The following NRG3 variants were observed in gnomAD, a reference collection of about 807,000 sequenced individuals.
NRG3 encodes the protein pro-neuregulin-3, membrane-bound isoform.
Under a neutral mutation model 66.9 loss-of-function variants are expected in NRG3, and 31 were observed. That is an observed-to-expected ratio of 0.46 (90% confidence interval 0.35 to 0.63). The LOEUF (loss-of-function observed/expected upper bound fraction) is 0.63. NRG3 is among the 20% of genes least tolerant of loss of function. The pLI is 0.00. For synonymous variants in NRG3, 393 were observed against 359.4 expected (o/e 1.09, Z -1.06); for missense variants, 910 against 878.9 (o/e 1.04, Z -0.45).
chr10:82,883,135 C>T (rs188863855), intron 4 of NRG3, among the ~76,000 whole-genome samples: 5 of 152,158 alleles, frequency 3.3e-5, no homozygotes, highest in South Asian at 2.1e-4. Context: ...TTGATGTATG[C>T]GGAATGTGCT....
intron 1 of NRG3, among the ~76,000 whole-genome samples, chr10:81,962,095 G>T (rs117534923): frequency 0.03 from 4,600 of 152,292 alleles, 97 homozygotes; most frequent in Non-Finnish European, 0.045. Flanking sequence ...GAGCACTAAA[G>T]GTTGAGAACC....
chr10:82,358,821 C>G lies in NRG3; in HGVS notation c.906C>G (p.Gly302=), dbSNP rs2083941909. 2 of 1,614,152 alleles carry G rather than the reference C, an allele frequency of 1.2e-6. No homozygotes were observed. Among genetic ancestry groups the G allele is most frequent in the Non-Finnish European group, 1.7e-6 (2 of 1,180,030 alleles). Residue 302 remains glycine, a synonymous_variant, in exon 2 of 9, where the codon GGC becomes GGG. Transcript: ENST00000372141. ...DKDLAYCLND[G]ECFVIETLTG... is the part of the protein sequence containing the mutation. The stretch of plus-strand genomic sequence containing the variant: ...ACCTTGCATACTGTCTCAATGATGG[C>G]GAGTGCTTTGTGATCGAAACCCTGA...
intron 1 of NRG3, among the ~76,000 whole-genome samples, chr10:82,022,300 C>T (rs1423265110): frequency 6.6e-6 from 1 of 151,954 alleles, no homozygotes; most frequent in African/African-American, 2.4e-5. Context: ...CCTGAGAATC[C>T]TAATTGAGGG....
chr10:82,293,229 A>T lies in NRG3; in HGVS notation c.824-65510A>T, dbSNP rs2079848313. On this transcript the variant is annotated intron_variant, in intron 1 of 8. Coordinates refer to ENST00000372141, the MANE Select transcript of NRG3 (RefSeq NM_001010848.4). ...TTCAATTTTTTGTTAAGTCAAGAAG[A>T]TCTGTACTTAGACGGCAGTATAAAT... Among the ~76,000 whole-genome samples, 4 of 152,282 alleles carry T rather than the reference A, an allele frequency of 2.6e-5. No homozygotes were observed. In the South Asian group the frequency reaches 8.3e-4, roughly 32 times the overall value.
chr10:81,934,455 G>A (rs1038220601), intron 1 of NRG3, among the ~76,000 whole-genome samples: 1 of 152,066 alleles, frequency 6.6e-6, no homozygotes, highest in Non-Finnish European at 1.5e-5. Flanking sequence ...TAATTGCTGT[G>A]ACACACATAA....
rs540869965 is a variant in NRG3 at position 82,981,121 on chromosome 10, C to A, written c.1583+2001C>A. Among the ~76,000 whole-genome samples, 15 of 152,220 alleles carry A rather than the reference C, an allele frequency of 9.9e-5. No individual in the cohort carries two copies. In the South Asian group the frequency reaches 3.1e-3, roughly 32 times the overall value. The stretch of plus-strand genomic sequence containing the variant: ...GTTCGATTAGTAAGGGTGCTTGGAG[C>A]CTGTGCCAGGCTCAAGCTTGAACAA... On this transcript the variant is annotated intron_variant, in intron 8 of 8. Transcript: ENST00000372141.
intron 1 of NRG3, among the ~76,000 whole-genome samples, chr10:81,884,760 C>G (rs1453484955): frequency 6.6e-6 from 1 of 152,026 alleles, no homozygotes; most frequent in Admixed American, 6.6e-5. Context: ...AACTATTCCC[C>G]CCTGGAATAC....
At chr10:82,464,141 A>G (rs1840447051) in intron 2 of NRG3, among the ~76,000 whole-genome samples, 1 of 152,118 alleles carries the variant, frequency 6.6e-6, no homozygotes, top group African/African-American at 2.4e-5. Context: ...AGTTGGTGCC[A>G]CTGCTATTGA....
At chr10:82,364,373 G>A (rs1374928990) in intron 2 of NRG3, among the ~76,000 whole-genome samples, 2 of 152,066 alleles carry the variant, frequency 1.3e-5, no homozygotes, top group African/African-American at 2.4e-5. Context: ...TTAATAAAAG[G>A]TAGATACACC....
chr10:82,294,434 AGTGT>A (rs35072007), intron 1 of NRG3, among the ~76,000 whole-genome samples: 10,340 of 149,104 alleles, frequency 0.069, 758 homozygotes, highest in African/African-American at 0.18. Context: ...CTACTGATGA[AGTGT>A]GTGTGTGTGT....
chr10:82,122,806 C>CT (rs2068179747), intron 1 of NRG3, among the ~76,000 whole-genome samples: 1 of 152,078 alleles, frequency 6.6e-6, no homozygotes, highest in South Asian at 2.1e-4. Context: ...TTTCAACTCT[C>CT]TTATTAATTT....
At chr10:82,613,046 G>C (rs1424314372) in intron 2 of NRG3, among the ~76,000 whole-genome samples, 1 of 152,144 alleles carries the variant, frequency 6.6e-6, no homozygotes, top group African/African-American at 2.4e-5. Flanking sequence ...AGTTTGAGAA[G>C]TAGGTTTTAA....
rs535170645 is a variant in NRG3 at position 82,521,347 on chromosome 10, C to CT, written c.953+162487dup. On this transcript the variant is annotated intron_variant, in intron 2 of 8. Coordinates refer to ENST00000372141, the MANE Select transcript of NRG3 (RefSeq NM_001010848.4). ...TGCTGAAAGTTGGGGTGATTACGGA[C>CT]TTTTTTTTATTTTGAGACAGTCTCG... 6.6e-5 allele frequency among the ~76,000 whole-genome samples: 10 copies of CT among 151,830 alleles called. No individual in the cohort carries two copies. The East Asian group carries it at 9.7e-4, about 15-fold the overall frequency.
At chr10:81,983,193 T>A (rs777231095) in intron 1 of NRG3, among the ~76,000 whole-genome samples, 3 of 152,152 alleles carry the variant, frequency 2.0e-5, no homozygotes, top group Non-Finnish European at 4.4e-5. Context: ...TGGAAATAAA[T>A]GAACATAGAG....
intron 1 of NRG3, among the ~76,000 whole-genome samples, chr10:81,968,176 G>A (rs1462636697): frequency 6.6e-6 from 1 of 152,194 alleles, no homozygotes; most frequent in Non-Finnish European, 1.5e-5. Context: ...AATAACAAAT[G>A]CTTGGAGCCT....
chr10:82,549,528 T>C (rs1164314876), intron 2 of NRG3, among the ~76,000 whole-genome samples: 3 of 152,156 alleles, frequency 2.0e-5, no homozygotes, highest in African/African-American at 7.2e-5. Flanking sequence ...GTAAGAGATT[T>C]TTAATTCAAT....
chr10:82,936,588 G>A (rs1285548433), intron 4 of NRG3, among the ~76,000 whole-genome samples: 3 of 152,112 alleles, frequency 2.0e-5, no homozygotes, highest in Non-Finnish European at 4.4e-5. Flanking sequence ...GTTGAAAAAT[G>A]CCCATAGAGT....
intron 1 of NRG3, among the ~76,000 whole-genome samples, chr10:82,006,516 A>G (rs1455090062): frequency 1.3e-5 from 2 of 152,026 alleles, no homozygotes; most frequent in Non-Finnish European, 2.9e-5. Context: ...TTCTATCTTT[A>G]TATCATCAAT....
chr10:82,255,816 G>T (rs189013765), intron 1 of NRG3, among the ~76,000 whole-genome samples: 2 of 151,796 alleles, frequency 1.3e-5, no homozygotes, highest in African/African-American at 4.8e-5. Flanking sequence ...GTCATCCAGG[G>T]TGGTCTCAAA....
Sources: gnomAD v4.1 joint callset for allele counts (sites outside exome capture counted in the v4.1 genomes callset) on GRCh38, gnomAD v4.1.1 for gene constraint, MANE v1.5 for transcripts, NCBI Gene and HGNC (gene_info 2026-07-23, HGNC 2026-07-21) for gene names.